The following TNKS variants were observed in gnomAD, a reference collection of about 807,000 sequenced individuals.
TNKS encodes the protein tankyrase.
Under a neutral mutation model 135.8 loss-of-function variants are expected in TNKS, and 72 were observed. The observed-to-expected ratio is 0.53, with a 90% CI of 0.44 to 0.64. The LOEUF (loss-of-function observed/expected upper bound fraction) is 0.64, where lower values mean the gene tolerates loss of function less well. Among genes scored for constraint, TNKS ranks in the 30% least tolerant of loss-of-function variants. The pLI is 0.00. For synonymous variants in TNKS, 849 were observed against 649.3 expected (o/e 1.31, Z -4.68); for missense variants, 1,769 against 1,674.0 (o/e 1.06, Z -0.99).
At chr8:9,774,749 A>C (rs373432751) in intron 26 of TNKS, among the ~76,000 whole-genome samples, 1 of 152,192 alleles carries the variant, frequency 6.6e-6, no homozygotes, top group East Asian at 1.9e-4. Context: ...CTTAGAATCC[A>C]CCTGACTAAG....
chr8:9,620,690 C>A (rs1563122414), intron 3 of TNKS, among the ~76,000 whole-genome samples: 1 of 152,296 alleles, frequency 6.6e-6, no homozygotes, highest in East Asian at 1.9e-4. Flanking sequence ...TGTGTCTGGG[C>A]TAACATAAGC....
At chr8:9,747,884 T>C in intron 17 of TNKS, 140 bp from the exon 18 acceptor site, 1 of 816,962 alleles carries the variant, frequency 1.2e-6, no homozygotes, top group East Asian at 2.9e-5. Flanking sequence ...TGAAATACTC[T>C]TTTTTTTAGA....
intron 2 of TNKS, among the ~76,000 whole-genome samples, chr8:9,605,444 A>T (rs1052052592): frequency 2.0e-5 from 3 of 151,992 alleles, no homozygotes; most frequent in African/African-American, 7.2e-5. Flanking sequence ...GATCATTCAC[A>T]TGCAAGTCTT....
intron 3 of TNKS, among the ~76,000 whole-genome samples, chr8:9,634,041 T>C (rs1159901290): frequency 1.3e-5 from 2 of 150,576 alleles, no homozygotes; most frequent in Admixed American, 6.7e-5. Context: ...AGATTACTAA[T>C]ACACTATAGG....
intron 3 of TNKS, among the ~76,000 whole-genome samples, chr8:9,671,960 C>G (rs1352165032): frequency 6.6e-6 from 1 of 152,162 alleles, no homozygotes; most frequent in Non-Finnish European, 1.5e-5. Flanking sequence ...TGTATTCTGC[C>G]CAGGGCGTGA....
intron 2 of TNKS, among the ~76,000 whole-genome samples, chr8:9,581,597 C>T (rs190766573): frequency 1.8e-4 from 27 of 152,324 alleles, no homozygotes; most frequent in Admixed American, 2.6e-4. Flanking sequence ...GTGTTTCCTA[C>T]GTAGTCTTCT....
At chr8:9,696,288 G>A (rs1316062945) in intron 5 of TNKS, among the ~76,000 whole-genome samples, 3 of 152,168 alleles carry the variant, frequency 2.0e-5, no homozygotes, top group African/African-American at 7.2e-5. Flanking sequence ...AGCTAGGGAG[G>A]AGGAAAATAA....
Position 9,635,484 on chromosome 8 carries a change from G to A in TNKS, c.994+19807G>A, listed in dbSNP as rs529010987. Among the ~76,000 whole-genome samples, 37 of 152,312 alleles carry A rather than the reference G, an allele frequency of 2.4e-4. No homozygotes were observed. In the South Asian group the frequency reaches 6.4e-3, roughly 26 times the overall value. On this transcript the variant is annotated intron_variant, in intron 3 of 26. Transcript: ENST00000310430. ...GTAAAGACTGGTTAGGACAACAATCGTTAGTGGATGCCAAATCTCAGGGGC... is the reference window on the plus strand; with the variant it reads ...GTAAAGACTGGTTAGGACAACAATCATTAGTGGATGCCAAATCTCAGGGGC...
chr8:9,763,108 T>C, intron 21 of TNKS, 39 bp from the exon 22 acceptor site: 1 of 1,095,348 alleles, frequency 9.1e-7, no homozygotes, highest in Admixed American at 2.0e-5. Context: ...CTGAGTAGTG[T>C]AGACTTTTGT....
chr8:9,626,050 A>C (rs1376784181), intron 3 of TNKS, among the ~76,000 whole-genome samples: 1 of 152,182 alleles, frequency 6.6e-6, no homozygotes, highest in Non-Finnish European at 1.5e-5. Flanking sequence ...TTTAACTTCT[A>C]TCAGTTTTTG....
intron 22 of TNKS, 64 bp downstream of exon 22, chr8:9,763,308 G>A: frequency 8.8e-7 from 1 of 1,131,078 alleles, no homozygotes; most frequent in Non-Finnish European, 1.3e-6. Context: ...CTCTTTTTCT[G>A]GAATTAACCT....
At chr8:9,646,363 A>G (rs1417903162) in intron 3 of TNKS, among the ~76,000 whole-genome samples, 1 of 152,070 alleles carries the variant, frequency 6.6e-6, no homozygotes, top group Non-Finnish European at 1.5e-5. Flanking sequence ...ACCTTTTTAA[A>G]TTCGACCTTC....
At chr8:9,728,894 C>T (rs1023997690) in intron 13 of TNKS, among the ~76,000 whole-genome samples, 3 of 152,132 alleles carry the variant, frequency 2.0e-5, no homozygotes, top group African/African-American at 7.2e-5. Context: ...TTGTTTTTAT[C>T]CTACCTGTGT....
At chr8:9,758,446 G>A (rs765518665) in intron 20 of TNKS, among the ~76,000 whole-genome samples, 1 of 152,008 alleles carries the variant, frequency 6.6e-6, no homozygotes, top group African/African-American at 2.4e-5. Flanking sequence ...TTGTGTGACT[G>A]TAAGTATCTA....
chr8:9,745,858 A>G (rs1470972652), intron 17 of TNKS, among the ~76,000 whole-genome samples: 1 of 152,196 alleles, frequency 6.6e-6, no homozygotes, highest in Non-Finnish European at 1.5e-5. Context: ...GGAAATACAG[A>G]TATTTATATT....
intron 1 of TNKS, among the ~76,000 whole-genome samples, chr8:9,569,833 A>T: frequency 6.6e-6 from 1 of 151,990 alleles, no homozygotes; most frequent in East Asian, 1.9e-4. Context: ...TGCTTTGTTA[A>T]AGTCATTGTG....
chr8:9,695,126 G>C (rs569133033), intron 5 of TNKS, among the ~76,000 whole-genome samples: 121 of 152,074 alleles, frequency 8.0e-4, no homozygotes, highest in Admixed American at 2.2e-3. Flanking sequence ...ACTGATAGTT[G>C]TCATGATTTT....
chr8:9,706,035 G>T (rs1009617367), intron 6 of TNKS, 152 bp from the exon 7 acceptor site: 4 of 426,246 alleles, frequency 9.4e-6, no homozygotes, highest in Non-Finnish European at 1.6e-5. Flanking sequence ...GTGAACATAA[G>T]CTATGCTTTG....
chr8:9,695,888 C>T (rs551664481), intron 5 of TNKS, among the ~76,000 whole-genome samples: 4 of 152,178 alleles, frequency 2.6e-5, no homozygotes, highest in South Asian at 2.1e-4. Flanking sequence ...AAAAGGATGG[C>T]GTTGTCATTA....
Sources: allele counts gnomAD v4.1 joint callset (sites outside exome capture counted in the v4.1 genomes callset), GRCh38; gene constraint gnomAD v4.1.1; transcripts MANE v1.5; gene names NCBI Gene and HGNC (gene_info 2026-07-23, HGNC 2026-07-21).